The following LMO2 variants were observed in gnomAD, a reference collection of about 807,000 sequenced individuals.
LMO2 encodes rhombotin-2.
LMO2 carries 20 observed loss-of-function variants against 23.2 expected under a neutral mutation model. The observed-to-expected ratio is 0.86, with a 90% confidence interval of 0.61 to 1.25. The LOEUF (loss-of-function observed/expected upper bound fraction) is 1.25, where lower values mean the gene tolerates loss of function less well. LMO2 is among the 50% of genes most tolerant of loss of function. LMO2 has a pLI of 0.00. For synonymous variants in LMO2, 123 were observed against 130.2 expected, an observed-to-expected ratio of 0.94 and a Z score of 0.38; for missense variants, 270 against 315.3, an observed-to-expected ratio of 0.86 and a Z score of 1.09.
chr11:33,863,157 C>T (rs12364163), intron 5 of LMO2, among the ~76,000 whole-genome samples: 56,659 of 151,858 alleles, frequency 0.37, 10,919 homozygotes, highest in East Asian at 0.42. Flanking sequence ...CCCGTCTGCC[C>T]TCTCACTGAC....
intron 4 of LMO2, among the ~76,000 whole-genome samples, chr11:33,867,404 T>TG (rs1856827728): frequency 6.6e-6 from 1 of 152,202 alleles, no homozygotes; most frequent in African/African-American, 2.4e-5. Flanking sequence ...TATAAGATAT[T>TG]GGCTCTGTCT....
In LMO2 at chr11:33,864,795, G is replaced by A; in HGVS notation, c.271C>T (p.Gln91Ter). 1 of 1,613,756 alleles carries A rather than the reference G, an allele frequency of 6.2e-7. No homozygotes were observed. Among genetic ancestry groups the A allele is most frequent in the African/African-American group, 1.3e-5 (1 of 75,042 alleles). The change falls in exon 5 of 6, where the codon CAG becomes TAG. Residue 91 changes from glutamine to a stop codon, truncating the protein, a stop_gained. Coordinates refer to ENST00000257818, the MANE Select transcript of LMO2 (RefSeq NM_005574.4). LOFTEE classifies it high-confidence loss of function. The surrounding 1 kb of genome is among the most constrained non-coding windows in gnomAD (Gnocchi z 4.8). Reference protein sequence around the residue: ...PSEEPVDEVLQIPPSLLTCGG... With the variant: ...PSEEPVDEVL ...CATGTCAGCAGGGATGGGGGGATCTGCAGCACCTCATCCACTGGTTCCCTG... is the reference window on the plus strand; with the variant it reads ...CATGTCAGCAGGGATGGGGGGATCTACAGCACCTCATCCACTGGTTCCCTG...
Position 33,869,411 on chromosome 11 carries a change from C to T in LMO2, c.183G>A (p.Pro61=). 8.5e-7 allele frequency: 1 copy of T among 1,173,708 alleles called. No homozygotes were observed. Among genetic ancestry groups the T allele is most frequent in the Non-Finnish European group, 1.1e-6 (1 of 943,618 alleles). 72.7% of individuals were successfully genotyped at this position (1,173,708 alleles called of 1,614,324 possible). A position where few individuals can be genotyped will look rare whatever the true frequency, so the allele number is the denominator to read the frequency against. ...QPRATKGAPP[P]PGTPPPSPMS... ...TTGGGGAGGGAGGCGGGGTGCCGGG[C>T]GGCGGGGGCGCTCCCTTTGTGGCGC... The change falls in exon 4 of 6, where the codon CCG becomes CCA. Residue 61 remains proline, a synonymous_variant. Coordinates refer to ENST00000257818, the MANE Select transcript of LMO2 (RefSeq NM_005574.4).
At position 33,877,984 on chromosome 11, in the gene LMO2, T is replaced by C. The variant is rs142934590; in HGVS notation, c.-272+3840A>G. 1.3e-4 allele frequency among the ~76,000 whole-genome samples: 20 copies of C among 152,298 alleles called. No homozygotes were observed. The East Asian group carries it at 3.3e-3, about 25-fold the overall frequency. Reference sequence around the variant, plus strand: ...CTAACTGATCTGGAATACTGTTTTCTTCCCTGTCAACACCATGCTCAAGAA... The same window carrying C: ...CTAACTGATCTGGAATACTGTTTTCCTCCCTGTCAACACCATGCTCAAGAA... On this transcript the variant is annotated intron_variant, in intron 2 of 5. Transcript: ENST00000257818.
Position 33,869,425 on chromosome 11 carries a change from C to A in LMO2, c.169G>T (p.Gly57Ter). The A allele has an allele frequency of 8.3e-7, 1 of 1,200,114 alleles. No homozygotes were observed. Among genetic ancestry groups the A allele is most frequent in the Non-Finnish European group, 1.0e-6 (1 of 961,666 alleles). 74.3% of individuals were successfully genotyped at this position (1,200,114 alleles called of 1,614,324 possible). The change falls in exon 4 of 6, where the codon GGA (glycine) becomes TGA (stop). Residue 57 changes from glycine to a stop codon, truncating the protein, a stop_gained. Transcript: ENST00000257818. LOFTEE classifies it high-confidence loss of function. ...GGGGTGCCGGGCGGCGGGGGCGCTC[C>A]CTTTGTGGCGCGGGGCTGGCCGGCT... The part of the protein sequence containing the change: ...PAAGQPRATK[G>*]APPPPGTPPP...
At position 33,864,653 on chromosome 11, in the gene LMO2, C is replaced by A; in HGVS notation, c.413G>T (p.Arg138Leu). ...LCGCRLGEVG[R>L]RLYYKLGRKL... is the part of the protein sequence containing the mutation. ...CCGGCCCAGTTTGTAGTAGAGGCGC[C>A]GCCCCACCTCACCCAGCCGGCAGCC... The change falls in exon 5 of 6, where the codon CGG becomes CTG. Residue 138 changes from arginine to leucine, a missense_variant. Physicochemically the swap from Arg to Leu is moderately radical, Grantham distance 102. Coordinates refer to ENST00000257818, the MANE Select transcript of LMO2 (RefSeq NM_005574.4). The surrounding 1 kb of genome is among the most constrained non-coding windows in gnomAD (Gnocchi z 4.8). 1.2e-6 allele frequency: 2 copies of A among 1,613,942 alleles called. No homozygotes were observed. The highest frequency in any genetic ancestry group is 1.7e-6 in the Non-Finnish European group (2 of 1,180,018).
chr11:33,886,570 T>TA (rs921519034), intron 1 of LMO2, among the ~76,000 whole-genome samples: 8 of 152,202 alleles, frequency 5.3e-5, no homozygotes, highest in Non-Finnish European at 1.2e-4. Context: ...TAGCCAGCTA[T>TA]AAAAAACCTA....
At chr11:33,868,743 G>A (rs745529442) in intron 4 of LMO2, among the ~76,000 whole-genome samples, 5 of 152,174 alleles carry the variant, frequency 3.3e-5, no homozygotes, top group Non-Finnish European at 7.3e-5. Flanking sequence ...CCCCGAGGAG[G>A]GGTACACCTA....
At chr11:33,869,642 AGGCGGGGGCCGG>A in intron 3 of LMO2, 56 bp from the exon 4 acceptor site, 1 of 1,256,058 alleles carries the variant, frequency 8.0e-7, no homozygotes, top group Non-Finnish European at 1.0e-6. Context: ...GCCGCGGCCG[AGGCGGGGGCCGG>A]GGCGCGCAGC....
rs963994877 is a variant in LMO2, at chr11:33,891,822, C to G, written c.-363G>C. 6.6e-6 allele frequency: 1 copy of G among 152,188 alleles called. No homozygotes were observed. The highest frequency in any genetic ancestry group is 2.4e-5 in the African/African-American group (1 of 41,426). 9.4% of individuals were successfully genotyped at this position (152,188 alleles called of 1,614,324 possible). A position where few individuals can be genotyped will look rare whatever the true frequency, so the allele number is the denominator to read the frequency against. On this transcript the variant is annotated 5_prime_UTR_variant, in exon 1 of 6. Coordinates refer to ENST00000257818, the MANE Select transcript of LMO2 (RefSeq NM_005574.4). ...GCAGATGATGTAATCCTGGTGGCTTCCCCCATCAGATCTAGGCTGCCTGCC... is the reference window on the plus strand; with the variant it reads ...GCAGATGATGTAATCCTGGTGGCTTGCCCCATCAGATCTAGGCTGCCTGCC...
intron 4 of LMO2, among the ~76,000 whole-genome samples, chr11:33,866,012 AG>A (rs1445762735): frequency 6.6e-6 from 1 of 152,198 alleles, no homozygotes; most frequent in Non-Finnish European, 1.5e-5. Context: ...AAATTCCCAA[AG>A]GGAGTTTCCT....
rs995255947 is a variant in LMO2, at chr11:33,869,411, C to A, written c.183G>T (p.Pro61=). Residue 61 remains proline, a synonymous_variant, in exon 4 of 6, where the codon CCG becomes CCT. Transcript: ENST00000257818. ...QPRATKGAPP[P]PGTPPPSPMS... The stretch of plus-strand genomic sequence containing the variant: ...TTGGGGAGGGAGGCGGGGTGCCGGG[C>A]GGCGGGGGCGCTCCCTTTGTGGCGC... The A allele has an allele frequency of 6.0e-6, 7 of 1,173,598 alleles. No homozygotes were observed. In the African/African-American group the frequency reaches 1.1e-4, roughly 19 times the overall value. 72.7% of individuals were successfully genotyped at this position (1,173,598 alleles called of 1,614,324 possible). A position where few individuals can be genotyped will look rare whatever the true frequency, so the allele number is the denominator to read the frequency against.
intron 2 of LMO2, chr11:33,881,257 G>A: frequency 2.2e-6 from 1 of 457,078 alleles, no homozygotes; most frequent in Non-Finnish European, 4.4e-6. Flanking sequence ...CATTGCAGAA[G>A]GCCGCCTTGG....
chr11:33,874,931 A>T (rs142052952), intron 2 of LMO2, among the ~76,000 whole-genome samples: 1 of 152,374 alleles, frequency 6.6e-6, no homozygotes, highest in East Asian at 1.9e-4. Flanking sequence ...ACCATTCCTC[A>T]GTGAGTTCTT....
chr11:33,869,013 G>C (rs1856892544), intron 4 of LMO2, among the ~76,000 whole-genome samples: 1 of 152,252 alleles, frequency 6.6e-6, no homozygotes, highest in African/African-American at 2.4e-5. Context: ...ACGCTCTCCG[G>C]ACTGCACCTG....
At chr11:33,891,288 A>C (rs769151631) in intron 1 of LMO2, among the ~76,000 whole-genome samples, 2 of 151,998 alleles carry the variant, frequency 1.3e-5, no homozygotes, top group Middle Eastern at 3.4e-3. Flanking sequence ...AATGTGTTTG[A>C]AAATGCTAAC....
rs1856472027 is a variant in LMO2 at position 33,859,162 on chromosome 11, G to GTCA, written c.*191_*193dup. 1 of 558,612 alleles carries GTCA rather than the reference G, an allele frequency of 1.8e-6. No homozygotes were observed. The highest frequency in any genetic ancestry group is 1.9e-5 in the African/African-American group (1 of 53,152). The allele number at this position is 558,612 out of a possible 1,614,324, so 34.6% of individuals were successfully genotyped here. The stretch of plus-strand genomic sequence containing the variant: ...TTCTCCCTCAAGGGCTGGTCCTTCT[G>GTCA]TCACCTTGAAGTGTCAGCCCCTGAA... On this transcript the variant is annotated 3_prime_UTR_variant, in exon 6 of 6. Transcript: ENST00000257818.
chr11:33,869,709 C>A lies in LMO2; in HGVS notation c.7+1G>T. 7.7e-7 allele frequency: 1 copy of A among 1,299,188 alleles called. No homozygotes were observed. Among genetic ancestry groups the A allele is most frequent in the Non-Finnish European group, 1.0e-6 (1 of 1,004,868 alleles). The allele number at this position is 1,299,188 out of a possible 1,614,324, so 80.5% of individuals were successfully genotyped here. A position where few individuals can be genotyped will look rare whatever the true frequency, so the allele number is the denominator to read the frequency against. ...GCTGCTGCTGCTGCTCAGGACTTAA[C>A]CTTCCATCCCGGTCCCGCCGCCGCC... On this transcript the variant is annotated splice_donor_variant, in intron 3 of 5. Coordinates refer to ENST00000257818, the MANE Select transcript of LMO2 (RefSeq NM_005574.4). LOFTEE classifies it high-confidence loss of function.
chr11:33,883,432 A>C (rs1857332863), intron 1 of LMO2, among the ~76,000 whole-genome samples: 1 of 152,230 alleles, frequency 6.6e-6, no homozygotes, highest in African/African-American at 2.4e-5. Context: ...GATGACACAG[A>C]AAGTCAGTAG....
Sources: gnomAD v4.1 joint callset for allele counts (sites outside exome capture counted in the v4.1 genomes callset) on GRCh38, gnomAD v4.1.1 for gene constraint, Gnocchi (gnomAD v3.1) non-coding constraint, MANE v1.5 for transcripts, NCBI Gene and HGNC (gene_info 2026-07-23, HGNC 2026-07-21) for gene names.